Variants in CDH12 observed in about 807,000 individuals in gnomAD.
CDH12 encodes the protein cadherin-12.
CDH12 carries 41 observed loss-of-function variants against 74.1 expected under a neutral mutation model. The ratio of observed to expected loss-of-function variants is 0.55; its 90% CI spans 0.43 to 0.72. The LOEUF is 0.72. Ranked by LOEUF, CDH12 falls within the 30% of genes least tolerant of loss-of-function variation. CDH12 has a pLI of 0.00. For synonymous variants in CDH12, 399 were observed against 355.0 expected (o/e 1.12, Z -1.39); for missense variants, 945 against 977.2 (o/e 0.97, Z 0.44).
chr5:22,677,897 G>T (rs190302051), intron 1 of CDH12, among the ~76,000 whole-genome samples: 53 of 152,100 alleles, frequency 3.5e-4, no homozygotes, highest in African/African-American at 1.2e-3. Flanking sequence ...CCTCTTCCTG[G>T]TGATGTCCTC....
At chr5:22,801,670 TATATATATATA>T (rs1182298550) in intron 1 of CDH12, among the ~76,000 whole-genome samples, 1 of 121,104 alleles carries the variant, frequency 8.3e-6, no homozygotes, top group African/African-American at 4.1e-5. Context: ...TATATATATA[TATATATATATA>T]TATACACTTT....
intron 3 of CDH12, among the ~76,000 whole-genome samples, chr5:22,241,748 T>C (rs1033273516): frequency 2.0e-5 from 3 of 151,980 alleles, no homozygotes; most frequent in Admixed American, 2.0e-4. Flanking sequence ...TAAAATATTA[T>C]TGATAAATAT....
intron 4 of CDH12, among the ~76,000 whole-genome samples, chr5:22,098,366 C>G (rs1192269329): frequency 3.3e-5 from 5 of 152,208 alleles, no homozygotes; most frequent in Admixed American, 1.3e-4. Flanking sequence ...CAACTCCTTT[C>G]CTTCCTAGGC....
chr5:22,643,621 G>T (rs1056975878), intron 1 of CDH12, among the ~76,000 whole-genome samples: 1 of 148,022 alleles, frequency 6.8e-6, no homozygotes, highest in Non-Finnish European at 1.5e-5. Context: ...CTTGCCAAAA[G>T]AATTTAAAGT....
At chr5:22,739,810 G>T (rs899255398) in intron 1 of CDH12, among the ~76,000 whole-genome samples, 1 of 151,968 alleles carries the variant, frequency 6.6e-6, no homozygotes, top group South Asian at 2.1e-4. Flanking sequence ...CTAGTACAAT[G>T]GAGTCATGTA....
chr5:22,149,716 C>G (rs1374075753), intron 4 of CDH12, among the ~76,000 whole-genome samples: 3 of 152,142 alleles, frequency 2.0e-5, no homozygotes, highest in Non-Finnish European at 4.4e-5. Context: ...AAATATTTCA[C>G]TTGCCTTGGC....
At chr5:22,282,638 A>G (rs750639788) in intron 3 of CDH12, among the ~76,000 whole-genome samples, 15 of 152,210 alleles carry the variant, frequency 9.9e-5, no homozygotes, top group Non-Finnish European at 2.2e-4. Flanking sequence ...ACATATGAAA[A>G]AAAGCTCATC....
At chr5:22,213,955 G>C (rs1751692752) in intron 3 of CDH12, among the ~76,000 whole-genome samples, 2 of 151,842 alleles carry the variant, frequency 1.3e-5, no homozygotes, top group African/African-American at 4.8e-5. Flanking sequence ...GCGTGTGTGT[G>C]TGAGAAAGAG....
intron 3 of CDH12, among the ~76,000 whole-genome samples, chr5:22,236,863 CA>C (rs974327804): frequency 6.6e-6 from 1 of 152,088 alleles, no homozygotes; most frequent in African/African-American, 2.4e-5. Context: ...GGAAGGTCTT[CA>C]GGGGCAGTAA....
At chr5:22,308,515 G>T (rs1738226292) in intron 3 of CDH12, among the ~76,000 whole-genome samples, 1 of 152,040 alleles carries the variant, frequency 6.6e-6, no homozygotes, top group Admixed American at 6.6e-5. Context: ...TTATTTGTAG[G>T]TAATCCAATT....
chr5:22,352,013 A>G (rs961335080), intron 3 of CDH12, among the ~76,000 whole-genome samples: 6 of 152,198 alleles, frequency 3.9e-5, no homozygotes, highest in Non-Finnish European at 5.9e-5. Flanking sequence ...TTAATTTTTG[A>G]TGCCACTATT....
chr5:22,508,413 C>T (rs1561456049), intron 1 of CDH12, among the ~76,000 whole-genome samples: 2 of 152,130 alleles, frequency 1.3e-5, no homozygotes, highest in South Asian at 4.1e-4. Context: ...TGTTTCTTTG[C>T]CATATGTTGA....
chr5:22,776,124 T>C (rs1747086995), intron 1 of CDH12, among the ~76,000 whole-genome samples: 3 of 152,284 alleles, frequency 2.0e-5, no homozygotes, highest in South Asian at 4.1e-4. Context: ...TGCGGACTAA[T>C]ACACTTACAC....
chr5:22,049,487 T>G (rs1370292549), intron 5 of CDH12, among the ~76,000 whole-genome samples: 1 of 152,130 alleles, frequency 6.6e-6, no homozygotes, highest in Non-Finnish European at 1.5e-5. Context: ...TCCTTTTTCC[T>G]TGCCTAAGTT....
rs1262704348 is a variant in CDH12 at position 22,549,694 on chromosome 5, T to C, written c.-522-44330A>G. On this transcript the variant is annotated intron_variant, in intron 1 of 14. Coordinates refer to ENST00000382254, the MANE Select transcript of CDH12 (RefSeq NM_004061.5). Reference sequence around the variant, plus strand: ...TAGAGAAATATTTCATAATTTGTACTGTTCTTGTTGGTGTCATGGTTAATC... The same window carrying C: ...TAGAGAAATATTTCATAATTTGTACCGTTCTTGTTGGTGTCATGGTTAATC... 2.0e-5 allele frequency among the ~76,000 whole-genome samples: 3 copies of C among 152,312 alleles called. No individual in the cohort carries two copies. In the East Asian group the frequency reaches 5.8e-4, roughly 29 times the overall value.
intron 1 of CDH12, among the ~76,000 whole-genome samples, chr5:22,781,515 T>A (rs988920092): frequency 6.6e-5 from 10 of 152,140 alleles, no homozygotes; most frequent in African/African-American, 2.4e-4. Flanking sequence ...GACTCTTATT[T>A]CTCATTTCTC....
chr5:22,013,320 C>G (rs1737404447), intron 5 of CDH12, among the ~76,000 whole-genome samples: 1 of 152,116 alleles, frequency 6.6e-6, no homozygotes, highest in Admixed American at 6.6e-5. Flanking sequence ...CTCACTATCA[C>G]AAGAACAGCA....
At position 21,933,112 on chromosome 5, in the gene CDH12, C is replaced by A. The variant is rs142155070; in HGVS notation, c.526+41979G>T. 2.1e-3 allele frequency among the ~76,000 whole-genome samples: 316 copies of A among 152,082 alleles called. 2 individuals are homozygous for A. Among genetic ancestry groups the A allele is most frequent in the African/African-American group, 7.4e-3 (307 of 41,488 alleles). ...ACAAGTGGAAAATGTTCTCTTGACACACACGAGAGTTTAATATTTAGATCA... is the reference window on the plus strand; with the variant it reads ...ACAAGTGGAAAATGTTCTCTTGACAAACACGAGAGTTTAATATTTAGATCA... On this transcript the variant is annotated intron_variant, in intron 6 of 14. Coordinates refer to ENST00000382254, the MANE Select transcript of CDH12 (RefSeq NM_004061.5).
intron 1 of CDH12, among the ~76,000 whole-genome samples, chr5:22,535,303 C>T (rs1016748599): frequency 3.3e-5 from 5 of 151,878 alleles, no homozygotes; most frequent in Admixed American, 6.6e-5. Context: ...TACAGGCGCC[C>T]GCTACCACGC....
Sources: gnomAD v4.1 joint callset for allele counts (sites outside exome capture counted in the v4.1 genomes callset) on GRCh38, gnomAD v4.1.1 for gene constraint, MANE v1.5 for transcripts, NCBI Gene and HGNC (gene_info 2026-07-23, HGNC 2026-07-21) for gene names.